The following EMSY variants were observed in gnomAD, a reference collection of about 807,000 sequenced individuals.
EMSY encodes the protein BRCA2-interacting transcriptional repressor EMSY.
EMSY carries 26 observed loss-of-function variants against 134.6 expected under a neutral mutation model. That is an observed-to-expected ratio of 0.19 (90% CI 0.14 to 0.27). The LOEUF (loss-of-function observed/expected upper bound fraction) is 0.27, where lower values mean the gene tolerates loss of function less well. Among genes scored for constraint, EMSY ranks in the 10% least tolerant of loss-of-function variants. The pLI, the probability that EMSY is intolerant of heterozygous loss-of-function variation, is 1.00. For synonymous variants in EMSY, 579 were observed against 577.8 expected, an observed-to-expected ratio of 1.00 and a Z score of -0.03; for missense variants, 1,305 against 1,611.4, an observed-to-expected ratio of 0.81 and a Z score of 3.26.
exon 6 of EMSY, chr11:76,460,019 C>T (rs749676543): frequency 6.2e-7 from 1 of 1,614,188 alleles, no homozygotes; most frequent in Non-Finnish European, 8.5e-7. Flanking sequence ...GGTTAAGTCT[C>T]CAAGACCTGC....
chr11:76,527,145 A>G lies in EMSY; in HGVS notation c.1995+510A>G, dbSNP rs146133416. Reference sequence around the variant, plus strand: ...GGAATTTGAGGCTCAGGATCTAATCATATGTTGCTAGGCTACTGTTTATTT... The same window carrying G: ...GGAATTTGAGGCTCAGGATCTAATCGTATGTTGCTAGGCTACTGTTTATTT... On this transcript the variant is annotated intron_variant, in intron 13 of 20. Transcript: ENST00000334736. 4.2e-3 allele frequency among the ~76,000 whole-genome samples: 633 copies of G among 152,262 alleles called. 6 individuals are homozygous for G. The highest frequency in any genetic ancestry group is 0.015 in the African/African-American group (606 of 41,564).
chr11:76,501,972 A>G (rs959312922), intron 9 of EMSY, among the ~76,000 whole-genome samples: 2 of 151,612 alleles, frequency 1.3e-5, no homozygotes, highest in Non-Finnish European at 2.9e-5. Context: ...AAATTGCAAT[A>G]AAGTTACGTA....
intron 6 of EMSY, 167 bp downstream of exon 7, chr11:76,460,252 T>C (rs1401351057): frequency 6.4e-6 from 5 of 775,428 alleles, no homozygotes; most frequent in Non-Finnish European, 1.0e-5. Context: ...TAGGTATATA[T>C]TGCTTTTTTA....
intron 18 of EMSY, among the ~76,000 whole-genome samples, chr11:76,543,324 C>T (rs1471226766): frequency 6.6e-6 from 1 of 152,140 alleles, no homozygotes; most frequent in African/African-American, 2.4e-5. Context: ...GGAAGAGTCA[C>T]AATTGAATCT....
chr11:76,523,725 T>C (rs1449355936), intron 12 of EMSY, among the ~76,000 whole-genome samples: 1 of 141,432 alleles, frequency 7.1e-6, no homozygotes, highest in Non-Finnish European at 1.5e-5. Flanking sequence ...TTTTTTTTTT[T>C]CATTTTTACC....
intron 8 of EMSY, among the ~76,000 whole-genome samples, chr11:76,492,861 T>A (rs1214899996): frequency 6.6e-6 from 1 of 152,048 alleles, no homozygotes; most frequent in Non-Finnish European, 1.5e-5. Context: ...GAGTGAGAAG[T>A]TAACAGGGCT....
intron 1 of EMSY, among the ~76,000 whole-genome samples, chr11:76,445,501 G>A (rs1203784030): frequency 6.6e-6 from 1 of 152,186 alleles, no homozygotes; most frequent in Non-Finnish European, 1.5e-5. Context: ...GACCGGCGCC[G>A]AGAGGTCCGG....
chr11:76,542,788 A>G (rs1951496207), intron 18 of EMSY, among the ~76,000 whole-genome samples: 1 of 145,604 alleles, frequency 6.9e-6, no homozygotes, highest in South Asian at 2.1e-4. Context: ...ATGAATCCTC[A>G]TAGTAACATT....
intron 2 of EMSY, among the ~76,000 whole-genome samples, chr11:76,450,325 G>A (rs1196933356): frequency 6.6e-6 from 1 of 151,960 alleles, no homozygotes; most frequent in African/African-American, 2.4e-5. Flanking sequence ...TCCGATAAAA[G>A]CTGAAACATG....
chr11:76,483,483 A>G (rs1178816655), intron 8 of EMSY, among the ~76,000 whole-genome samples: 1 of 152,310 alleles, frequency 6.6e-6, no homozygotes, highest in Admixed American at 6.5e-5. Flanking sequence ...GTCAAGACCC[A>G]TCGGTGTGCT....
intron 7 of EMSY, among the ~76,000 whole-genome samples, chr11:76,469,465 A>G (rs1209714782): frequency 6.6e-6 from 1 of 152,226 alleles, no homozygotes; most frequent in East Asian, 1.9e-4. Flanking sequence ...TGGGAAAAAA[A>G]TAAGAGAAGT....
exon 21 of EMSY, chr11:76,551,405 C>T (rs1951832057): frequency 6.5e-6 from 1 of 152,714 alleles, no homozygotes; most frequent in Admixed American, 6.5e-5. Flanking sequence ...ACTGTACATA[C>T]ATTTATCAGC....
chr11:76,544,192 A>T, intron 18 of EMSY, 67 bp from the exon 20 acceptor site: 1 of 1,442,230 alleles, frequency 6.9e-7, no homozygotes, highest in Non-Finnish European at 9.4e-7. Context: ...TTTTTCAGTT[A>T]AGAGGAAAAT....
chr11:76,523,658 A>T (rs1950727681), intron 12 of EMSY, among the ~76,000 whole-genome samples: 1 of 148,542 alleles, frequency 6.7e-6, no homozygotes, highest in South Asian at 2.1e-4. Context: ...GCAAAGAGAA[A>T]TATGTGGGAT....
At chr11:76,548,031 A>G (rs1951714893) in intron 20 of EMSY, among the ~76,000 whole-genome samples, 1 of 152,172 alleles carries the variant, frequency 6.6e-6, no homozygotes, top group Non-Finnish European at 1.5e-5. Flanking sequence ...ACTAACCTAT[A>G]TATCTCTTTT....
intron 8 of EMSY, among the ~76,000 whole-genome samples, chr11:76,494,403 A>G (rs901594890): frequency 6.6e-6 from 1 of 152,244 alleles, no homozygotes; most frequent in East Asian, 1.9e-4. Flanking sequence ...AGTGCCATAT[A>G]AAGTTTAATG....
intron 9 of EMSY, among the ~76,000 whole-genome samples, chr11:76,509,667 G>GT (rs931507838): frequency 1.2e-4 from 18 of 152,180 alleles, no homozygotes; most frequent in African/African-American, 3.6e-4. Flanking sequence ...ATTGTTAAAG[G>GT]TGGGGGGGAA....
rs1403457528 is a variant in EMSY, at chr11:76,514,214, G to A, written c.1513+679G>A. On this transcript the variant is annotated intron_variant, in intron 10 of 20. Coordinates refer to ENST00000334736, the Ensembl canonical transcript of EMSY. ...GGGATAATAATACCTATGCCATAACGTTATTATAAGTACTAAATGAAATCA... is the reference window on the plus strand; with the variant it reads ...GGGATAATAATACCTATGCCATAACATTATTATAAGTACTAAATGAAATCA... Among the ~76,000 whole-genome samples, 5 of 151,886 alleles carry A rather than the reference G, an allele frequency of 3.3e-5. No homozygotes were observed. In the East Asian group the frequency reaches 9.6e-4, roughly 29 times the overall value.
chr11:76,448,758 T>G (rs1473989821), intron 2 of EMSY, among the ~76,000 whole-genome samples: 1 of 152,084 alleles, frequency 6.6e-6, no homozygotes, highest in Non-Finnish European at 1.5e-5. Flanking sequence ...ACCTTTGAAT[T>G]GTCTTCACAT....
Sources: gnomAD v4.1 joint callset for allele counts (sites outside exome capture counted in the v4.1 genomes callset) on GRCh38, gnomAD v4.1.1 for gene constraint, MANE v1.5 for transcripts, NCBI Gene and HGNC (gene_info 2026-07-23, HGNC 2026-07-21) for gene names.